Variants in SNTB2 observed in about 807,000 individuals in gnomAD.
SNTB2 encodes the protein syntrophin beta 2, also known as beta-2-syntrophin.
In SNTB2, 34 loss-of-function variants were observed where a neutral mutation model predicts 46.2. That is an observed-to-expected ratio of 0.74 (90% CI 0.56 to 0.98). The LOEUF (loss-of-function observed/expected upper bound fraction) is 0.98, where lower values mean the gene tolerates loss of function less well. Ranked by LOEUF, SNTB2 falls within the 50% of genes least tolerant of loss-of-function variation. SNTB2 has a pLI of 0.00. For missense variants in SNTB2, 603 were observed against 731.4 expected (o/e 0.82, Z 2.02); for synonymous variants, 290 against 312.6 (o/e 0.93, Z 0.76).
chr16:69,221,668 C>T (rs758418332), intron 1 of SNTB2, among the ~76,000 whole-genome samples: 2 of 152,070 alleles, frequency 1.3e-5, no homozygotes, highest in African/African-American at 2.4e-5. Context: ...CCCAGCTCCT[C>T]GGGAGGCTGA....
At chr16:69,188,736 T>TAG (rs1567391973) in intron 1 of SNTB2, among the ~76,000 whole-genome samples, 1 of 152,162 alleles carries the variant, frequency 6.6e-6, no homozygotes, top group Admixed American at 6.6e-5. Flanking sequence ...GAAGATGCTG[T>TAG]CCCTACTTGG....
At chr16:69,225,589 A>C (rs1032316463) in intron 1 of SNTB2, among the ~76,000 whole-genome samples, 18 of 152,198 alleles carry the variant, frequency 1.2e-4, no homozygotes, top group Non-Finnish European at 1.9e-4. Flanking sequence ...CCTCTATAGC[A>C]TGTATCATGT....
intron 1 of SNTB2, among the ~76,000 whole-genome samples, chr16:69,237,053 C>A (rs1964566102): frequency 6.6e-6 from 1 of 152,100 alleles, no homozygotes; most frequent in Admixed American, 6.6e-5. Context: ...AAGATTAGTT[C>A]TTGTTTGGAT....
At position 69,197,018 on chromosome 16, in the gene SNTB2, AT is replaced by A. The variant is rs551239753; in HGVS notation, c.580+9283del. 4.2e-3 allele frequency among the ~76,000 whole-genome samples: 593 copies of A among 140,660 alleles called. 1 individual carries two copies. The highest frequency in any genetic ancestry group is 0.015 in the African/African-American group (556 of 38,126). The allele number at this position is 140,660 out of a possible 152,430, so 92.3% of individuals were successfully genotyped here. A position where few individuals can be genotyped will look rare whatever the true frequency, so the allele number is the denominator to read the frequency against. ...GTTAATGTCTCTCAGTCTTTTCCTC[AT>A]TTTTTTTTTTCATGCTGGACCTAAA... On this transcript the variant is annotated intron_variant, in intron 1 of 6. Coordinates refer to ENST00000336278, the MANE Select transcript of SNTB2 (RefSeq NM_006750.4).
At chr16:69,262,135 G>A (rs1026164930) in intron 3 of SNTB2, among the ~76,000 whole-genome samples, 5 of 152,158 alleles carry the variant, frequency 3.3e-5, no homozygotes, top group Non-Finnish European at 7.3e-5. Flanking sequence ...CCTTTGGCTC[G>A]TATGTCCAGG....
intron 1 of SNTB2, among the ~76,000 whole-genome samples, chr16:69,205,212 C>T (rs1227887942): frequency 1.3e-5 from 2 of 148,266 alleles, no homozygotes; most frequent in South Asian, 2.1e-4. Flanking sequence ...TGCAGTGGTG[C>T]GATCTCAGCT....
chr16:69,234,038 A>C (rs1007657093), intron 1 of SNTB2, among the ~76,000 whole-genome samples: 15 of 151,956 alleles, frequency 9.9e-5, no homozygotes, highest in African/African-American at 2.9e-4. Context: ...AAAGGAAAAA[A>C]GAAAAAAACA....
At chr16:69,196,876 A>G (rs1211921474) in intron 1 of SNTB2, among the ~76,000 whole-genome samples, 1 of 152,222 alleles carries the variant, frequency 6.6e-6, no homozygotes, top group Non-Finnish European at 1.5e-5. Flanking sequence ...CTGGTGGATC[A>G]GTTTGGGTTA....
chr16:69,266,167 C>A (rs1171092624), intron 3 of SNTB2, among the ~76,000 whole-genome samples: 2 of 152,232 alleles, frequency 1.3e-5, no homozygotes, highest in East Asian at 1.9e-4. Context: ...GAGTTCGAGA[C>A]CAGCCTGGCC....
chr16:69,259,931 TATACA>T, intron 2 of SNTB2, 114 bp from the exon 3 acceptor site: 1 of 803,582 alleles, frequency 1.2e-6, no homozygotes, highest in Non-Finnish European at 2.1e-6. Flanking sequence ...TTTATTTGAG[TATACA>T]AATTTATTTG....
At chr16:69,208,182 G>A (rs1330443107) in intron 1 of SNTB2, among the ~76,000 whole-genome samples, 4 of 151,196 alleles carry the variant, frequency 2.6e-5, no homozygotes, top group Non-Finnish European at 5.9e-5. Flanking sequence ...CGAGGTGGGC[G>A]GATCACCTGA....
At chr16:69,213,239 C>T (rs1048403961) in intron 1 of SNTB2, among the ~76,000 whole-genome samples, 4 of 152,096 alleles carry the variant, frequency 2.6e-5, no homozygotes, top group African/African-American at 9.7e-5. Context: ...CTTTTTGGCA[C>T]ATATTGCATG....
chr16:69,198,939 C>T (rs1029094392), intron 1 of SNTB2, among the ~76,000 whole-genome samples: 1 of 141,758 alleles, frequency 7.1e-6, no homozygotes, highest in Admixed American at 7.3e-5. Flanking sequence ...TCTTGTTGCT[C>T]GGGCTGGAGT....
Position 69,187,424 on chromosome 16 carries a change from C to A in SNTB2, c.258C>A (p.Ser86Arg). ...GCGCGGGCGACTCGCTGCCCGGGAG[C>A]CCAAGCCGCGGCCTGGGGCCCCCGA... ...GGGAGDSLPG[S>R]PSRGLGPPSP... The change falls in exon 1 of 7, where the codon AGC becomes AGA. Residue 86 changes from serine (S) to arginine (R), a missense_variant. Physicochemically the swap from Ser to Arg is moderately radical, Grantham distance 110. This residue lies in a region of SNTB2 where 537 missense variants were observed against 692.4 expected (regional missense o/e 0.78). Coordinates refer to ENST00000336278, the MANE Select transcript of SNTB2 (RefSeq NM_006750.4). 8.3e-7 allele frequency: 1 copy of A among 1,203,320 alleles called. No individual in the cohort carries two copies. The highest frequency in any genetic ancestry group is 1.0e-6 in the Non-Finnish European group (1 of 971,796). The allele number at this position is 1,203,320 out of a possible 1,614,324, so 74.5% of individuals were successfully genotyped here.
At chr16:69,219,939 C>A (rs923554788) in intron 1 of SNTB2, among the ~76,000 whole-genome samples, 1 of 151,490 alleles carries the variant, frequency 6.6e-6, no homozygotes, top group African/African-American at 2.4e-5. Flanking sequence ...TTGGTAGAAA[C>A]GGGGGTTTCA....
chr16:69,215,431 C>T (rs989852723), intron 1 of SNTB2, among the ~76,000 whole-genome samples: 1 of 152,058 alleles, frequency 6.6e-6, no homozygotes, highest in Non-Finnish European at 1.5e-5. Flanking sequence ...TTAAAGAAGC[C>T]ATTATGGTTC....
chr16:69,254,267 A>C (rs748177712), intron 2 of SNTB2, among the ~76,000 whole-genome samples: 8 of 152,162 alleles, frequency 5.3e-5, no homozygotes, highest in Non-Finnish European at 1.0e-4. Context: ...TACCACGCAG[A>C]GTAAAGCTGC....
intron 1 of SNTB2, among the ~76,000 whole-genome samples, chr16:69,202,856 G>A (rs1233049834): frequency 2.0e-5 from 3 of 151,172 alleles, no homozygotes; most frequent in East Asian, 1.9e-4. Context: ...GATTATAGGC[G>A]TGACCCAGCA....
intron 1 of SNTB2, among the ~76,000 whole-genome samples, chr16:69,232,571 GC>G (rs910984877): frequency 1.8e-4 from 26 of 140,684 alleles, no homozygotes; most frequent in Middle Eastern, 4.1e-3. Flanking sequence ...GAGTGCAGTG[GC>G]CCCATCTTGG....
Sources: gnomAD v4.1 joint callset for allele counts (sites outside exome capture counted in the v4.1 genomes callset) on GRCh38, gnomAD v4.1.1 for gene constraint, gnomAD v4.1.1 regional missense constraint, MANE v1.5 for transcripts, NCBI Gene and HGNC (gene_info 2026-07-23, HGNC 2026-07-21) for gene names.